CSMD1: variants seen among roughly 807,000 people sequenced by gnomAD.
CSMD1 encodes the protein CUB and sushi domain-containing protein 1.
A neutral mutation model predicts 417.5 loss-of-function variants in CSMD1; 213 were observed. That is an observed-to-expected ratio of 0.51 (90% CI 0.46 to 0.57). CSMD1 has a LOEUF of 0.57. Ranked by LOEUF, CSMD1 falls within the 20% of genes least tolerant of loss-of-function variation. The pLI, the probability that CSMD1 is intolerant of heterozygous loss-of-function variation, is 0.00. For synonymous variants in CSMD1, 2,862 were observed against 1,736.8 expected, an observed-to-expected ratio of 1.65 and a Z score of -16.11; for missense variants, 6,923 against 4,529.7, an observed-to-expected ratio of 1.53 and a Z score of -15.17.
At chr8:4,136,681 T>G (rs1440083601) in intron 3 of CSMD1, among the ~76,000 whole-genome samples, 1 of 152,218 alleles carries the variant, frequency 6.6e-6, no homozygotes, top group African/African-American at 2.4e-5. Context: ...ACAAGTGTGC[T>G]GTGAGTCTTC....
intron 3 of CSMD1, among the ~76,000 whole-genome samples, chr8:4,135,404 G>A (rs985585293): frequency 7.6e-6 from 1 of 131,954 alleles, no homozygotes; most frequent in African/African-American, 3.0e-5. Context: ...AGGGGAAAGA[G>A]GGAAAGAGGG....
chr8:4,159,376 C>G (rs1797017294), intron 3 of CSMD1, among the ~76,000 whole-genome samples: 2 of 152,108 alleles, frequency 1.3e-5, no homozygotes, highest in South Asian at 4.1e-4. Flanking sequence ...AGTAATCCCA[C>G]TATGTGATAT....
At chr8:3,845,038 A>T (rs1195468752) in intron 5 of CSMD1, among the ~76,000 whole-genome samples, 1 of 152,218 alleles carries the variant, frequency 6.6e-6, no homozygotes, top group African/African-American at 2.4e-5. Context: ...TTTATAACAC[A>T]ATAAAGGTCT....
intron 1 of CSMD1, among the ~76,000 whole-genome samples, chr8:4,883,798 A>C (rs374061214): frequency 2.0e-5 from 3 of 151,928 alleles, no homozygotes; most frequent in Admixed American, 1.3e-4. Flanking sequence ...CATGTACACA[A>C]AAAATATTTT....
At chr8:3,243,912 G>A (rs1799711079) in intron 26 of CSMD1, among the ~76,000 whole-genome samples, 2 of 152,016 alleles carry the variant, frequency 1.3e-5, no homozygotes, top group South Asian at 4.1e-4. Context: ...CTACATACAT[G>A]TTTTTTAAAC....
chr8:3,869,207 A>G (rs1397943545), intron 5 of CSMD1, among the ~76,000 whole-genome samples: 2 of 151,960 alleles, frequency 1.3e-5, no homozygotes, highest in African/African-American at 4.8e-5. Context: ...TAGGCCCTCC[A>G]CCTCGGTGTT....
At chr8:4,218,354 G>C (rs1217028424) in intron 3 of CSMD1, among the ~76,000 whole-genome samples, 1 of 152,068 alleles carries the variant, frequency 6.6e-6, no homozygotes, top group African/African-American at 2.4e-5. Flanking sequence ...TGTTGATTTT[G>C]TTTGGTCATT....
intron 41 of CSMD1, among the ~76,000 whole-genome samples, chr8:3,134,259 G>C (rs564409302): frequency 6.6e-6 from 1 of 152,142 alleles, no homozygotes; most frequent in Non-Finnish European, 1.5e-5. Context: ...CAAATCAAGG[G>C]CAAGGGTTCT....
At chr8:2,944,847 C>CT (rs34552861) in intron 68 of CSMD1, among the ~76,000 whole-genome samples, 115,795 of 151,954 alleles carry the variant, frequency 0.76, 45,433 homozygotes, top group East Asian at 0.91. Flanking sequence ...ACCACAGTTA[C>CT]TTTTTTTAAT....
chr8:4,987,629 T>C (rs904390902), intron 1 of CSMD1, among the ~76,000 whole-genome samples: 13 of 152,078 alleles, frequency 8.5e-5, no homozygotes, highest in Non-Finnish European at 4.4e-5. Context: ...AAATATTGAG[T>C]GTCAACATGA....
At chr8:3,162,565 A>C (rs546058333) in intron 37 of CSMD1, among the ~76,000 whole-genome samples, 1 of 152,178 alleles carries the variant, frequency 6.6e-6, no homozygotes, top group African/African-American at 2.4e-5. Context: ...CCCAACTTCA[A>C]TATATACATA....
chr8:3,182,333 G>C (rs1365292888), intron 36 of CSMD1, among the ~76,000 whole-genome samples: 2 of 152,136 alleles, frequency 1.3e-5, no homozygotes, highest in African/African-American at 4.8e-5. Flanking sequence ...TCCTGCCTCA[G>C]CTTCCCAAGT....
intron 43 of CSMD1, among the ~76,000 whole-genome samples, chr8:3,109,860 G>A (rs1442087360): frequency 6.7e-6 from 1 of 150,150 alleles, no homozygotes; most frequent in Non-Finnish European, 1.5e-5. Flanking sequence ...CACACCCACA[G>A]AGACACACAT....
In CSMD1 at chr8:3,203,691, TG is replaced by T. The variant is rs375964392; in HGVS notation, c.4984+1812del. Among the ~76,000 whole-genome samples the T allele has an allele frequency of 2.1e-3, 316 of 152,294 alleles. 2 individuals are homozygous for T. The highest frequency in any genetic ancestry group is 7.4e-3 in the African/African-American group (308 of 41,570). On this transcript the variant is annotated intron_variant, in intron 31 of 69. Transcript: ENST00000635120. The stretch of plus-strand genomic sequence containing the variant: ...AAGGCCACCCTGAAAACAAACACTT[TG>T]CTCCATAAATAACAGGAGTGACTAA...
chr8:4,417,956 C>A (rs148672059), intron 3 of CSMD1, among the ~76,000 whole-genome samples: 2 of 152,110 alleles, frequency 1.3e-5, no homozygotes, highest in Admixed American at 1.3e-4. Context: ...CTCTTCTACT[C>A]TAGATTATCT....
chr8:4,249,005 T>C (rs1166226156), intron 3 of CSMD1, among the ~76,000 whole-genome samples: 1 of 152,212 alleles, frequency 6.6e-6, no homozygotes, highest in African/African-American at 2.4e-5. Context: ...AGACCATGTA[T>C]TTAATGAACT....
chr8:3,147,098 T>C (rs146737634), intron 40 of CSMD1, among the ~76,000 whole-genome samples: 124 of 152,318 alleles, frequency 8.1e-4, no homozygotes, highest in African/African-American at 2.8e-3. Flanking sequence ...AGCTGTGCCC[T>C]GAGAATCCAA....
chr8:4,728,534 A>G (rs1352934203), intron 1 of CSMD1, among the ~76,000 whole-genome samples: 14 of 152,136 alleles, frequency 9.2e-5, no homozygotes, highest in Non-Finnish European at 1.8e-4. Flanking sequence ...TAATCTCCCA[A>G]TCTTTAGCTT....
intron 3 of CSMD1, among the ~76,000 whole-genome samples, chr8:4,067,903 C>G (rs1010226180): frequency 6.6e-6 from 1 of 151,944 alleles, no homozygotes; most frequent in Non-Finnish European, 1.5e-5. Context: ...ATGATGAAAC[C>G]CCAACTCTAC....
Sources: gnomAD v4.1 joint callset for allele counts (sites outside exome capture counted in the v4.1 genomes callset) on GRCh38, gnomAD v4.1.1 for gene constraint, MANE v1.5 for transcripts, NCBI Gene and HGNC (gene_info 2026-07-23, HGNC 2026-07-21) for gene names.